The following RBFOX1 variants were observed in gnomAD, a reference collection of about 807,000 sequenced individuals.
RBFOX1 encodes the protein RNA binding protein fox-1 homolog 1.
Under a neutral mutation model 57.7 loss-of-function variants are expected in RBFOX1, and 8 were observed. That is an observed-to-expected ratio of 0.14 (90% CI 0.08 to 0.25). The LOEUF (loss-of-function observed/expected upper bound fraction) is 0.25. Ranked by LOEUF, RBFOX1 falls within the 10% of genes least tolerant of loss-of-function variation. The pLI, the probability that RBFOX1 is intolerant of heterozygous loss-of-function variation, is 1.00. For missense variants in RBFOX1, 611 were observed against 548.5 expected (o/e 1.11, Z -1.14); for synonymous variants, 326 against 222.4 (o/e 1.47, Z -4.15).
intron 2 of RBFOX1, among the ~76,000 whole-genome samples, chr16:6,432,614 G>T (rs552854417): frequency 6.6e-6 from 1 of 151,996 alleles, no homozygotes; most frequent in African/African-American, 2.4e-5. Context: ...CCCAGGAGGC[G>T]GAGGTTGCAG....
At chr16:6,778,151 A>G (rs1000427305) in intron 3 of RBFOX1, among the ~76,000 whole-genome samples, 2 of 152,190 alleles carry the variant, frequency 1.3e-5, no homozygotes, top group African/African-American at 4.8e-5. Flanking sequence ...TGATGGCTTC[A>G]TGAGAATCGA....
At chr16:6,336,703 A>G (rs906520814) in intron 2 of RBFOX1, among the ~76,000 whole-genome samples, 3 of 152,072 alleles carry the variant, frequency 2.0e-5, no homozygotes, top group African/African-American at 4.8e-5. Context: ...TGGGGGGGAA[A>G]TTGGATGAGA....
At chr16:5,748,814 C>G (rs979718299) in intron 3 of RBFOX1, among the ~76,000 whole-genome samples, 34 of 152,280 alleles carry the variant, frequency 2.2e-4, no homozygotes, top group Non-Finnish European at 4.3e-4. Flanking sequence ...TGGGTCTTGA[C>G]TCTTTATCCA....
intron 1 of RBFOX1, among the ~76,000 whole-genome samples, chr16:6,113,559 A>G (rs960697877): frequency 1.3e-5 from 2 of 152,194 alleles, no homozygotes; most frequent in Admixed American, 1.3e-4. Flanking sequence ...ACAGCTCTTG[A>G]AGCAAAGGCA....
intron 2 of RBFOX1, among the ~76,000 whole-genome samples, chr16:6,605,498 G>C (rs906940379): frequency 1.3e-5 from 2 of 152,154 alleles, no homozygotes; most frequent in African/African-American, 2.4e-5. Context: ...CCCAAAGAGA[G>C]AAATCAGAAA....
At chr16:6,505,243 T>A (rs576122211) in intron 2 of RBFOX1, among the ~76,000 whole-genome samples, 7 of 152,330 alleles carry the variant, frequency 4.6e-5, no homozygotes, top group African/African-American at 1.4e-4. Context: ...GTTGTCACTT[T>A]CAGTATGTCA....
At chr16:6,483,898 C>T (rs996019158) in intron 2 of RBFOX1, 1 of 1,134,352 alleles carries the variant, frequency 8.8e-7, no homozygotes, top group South Asian at 2.5e-5. Context: ...GCGTTTGCAG[C>T]GCGTGAATGG....
intron 4 of RBFOX1, chr16:7,332,803 G>A: frequency 1.4e-6 from 2 of 1,403,330 alleles, no homozygotes; most frequent in Non-Finnish European, 1.9e-6. Context: ...TTCGTCGTCT[G>A]GGAAGAAAAC....
intron 3 of RBFOX1, among the ~76,000 whole-genome samples, chr16:7,047,953 A>G (rs1277094030): frequency 6.6e-6 from 1 of 151,336 alleles, no homozygotes; most frequent in East Asian, 1.9e-4. Flanking sequence ...GTCTTTACTC[A>G]CTGCAACCTC....
chr16:7,398,832 C>G (rs1286596140), intron 4 of RBFOX1, among the ~76,000 whole-genome samples: 1 of 152,144 alleles, frequency 6.6e-6, no homozygotes, highest in African/African-American at 2.4e-5. Context: ...CTGAGATGAC[C>G]CTTTTAAAAT....
At chr16:6,867,726 G>C (rs976171091) in intron 3 of RBFOX1, among the ~76,000 whole-genome samples, 4 of 152,080 alleles carry the variant, frequency 2.6e-5, no homozygotes, top group African/African-American at 9.7e-5. Context: ...AAAAGAAAGG[G>C]ATCCAACAGA....
chr16:5,640,541 C>CACAT (rs1192046625), intron 3 of RBFOX1, among the ~76,000 whole-genome samples: 1 of 151,256 alleles, frequency 6.6e-6, no homozygotes, highest in Non-Finnish European at 1.5e-5. Context: ...TACACACATG[C>CACAT]ACATACATGC....
At chr16:5,474,553 C>G (rs887955010) in intron 2 of RBFOX1, among the ~76,000 whole-genome samples, 11 of 151,942 alleles carry the variant, frequency 7.2e-5, no homozygotes, top group Non-Finnish European at 1.3e-4. Flanking sequence ...ATTTGGGAGG[C>G]TGAGGCAGGA....
At chr16:7,383,794 A>G (rs922155068) in intron 4 of RBFOX1, among the ~76,000 whole-genome samples, 1 of 152,160 alleles carries the variant, frequency 6.6e-6, no homozygotes, top group Non-Finnish European at 1.5e-5. Flanking sequence ...AGGTGGCTCA[A>G]GCCTGTAATC....
intron 3 of RBFOX1, chr16:6,874,084 T>G (rs1380819846): frequency 1.3e-5 from 2 of 152,274 alleles, no homozygotes; most frequent in East Asian, 3.9e-4. Context: ...CACTTGCACA[T>G]GCATGTTTAT....
chr16:7,311,552 A>G lies in RBFOX1; in HGVS notation c.28-206595A>G, dbSNP rs570230463. On this transcript the variant is annotated intron_variant, in intron 4 of 15. Coordinates refer to ENST00000550418, the MANE Select transcript of RBFOX1 (RefSeq NM_018723.4). ...AATGACTAGATTCCCCTTATCAAAA[A>G]CAGTAACAAACATCCCCGGTTTTTC... 5.9e-4 allele frequency among the ~76,000 whole-genome samples: 89 copies of G among 151,614 alleles called. No homozygotes were observed. In the South Asian group the frequency reaches 9.2e-3, roughly 16 times the overall value.
intron 2 of RBFOX1, among the ~76,000 whole-genome samples, chr16:6,505,244 C>G (rs543531736): frequency 7.9e-5 from 12 of 152,100 alleles, no homozygotes; most frequent in African/African-American, 2.7e-4. Context: ...TTGTCACTTT[C>G]AGTATGTCAC....
In RBFOX1 at chr16:6,674,704, A is replaced by T. The variant is rs994260821; in HGVS notation, c.-16+20054A>T. On this transcript the variant is annotated intron_variant, in intron 3 of 15. Coordinates refer to ENST00000550418, the MANE Select transcript of RBFOX1 (RefSeq NM_018723.4). ...AGAAACCATGTGTTGATGGAGGCAGAGACTGGAGAGATGCACATACAAGCC... is the reference window on the plus strand; with the variant it reads ...AGAAACCATGTGTTGATGGAGGCAGTGACTGGAGAGATGCACATACAAGCC... 5.5e-4 allele frequency among the ~76,000 whole-genome samples: 84 copies of T among 152,148 alleles called. 1 individual carries two copies. Among genetic ancestry groups the T allele is most frequent in the Admixed American group, 1.8e-3 (27 of 15,284 alleles).
At chr16:7,038,273 C>T (rs1242411130) in intron 3 of RBFOX1, among the ~76,000 whole-genome samples, 1 of 152,108 alleles carries the variant, frequency 6.6e-6, no homozygotes, top group South Asian at 2.1e-4. Context: ...CTTGAATTTT[C>T]TTAGACTGAG....
Sources: gnomAD v4.1 joint callset for allele counts (sites outside exome capture counted in the v4.1 genomes callset) on GRCh38, gnomAD v4.1.1 for gene constraint, MANE v1.5 for transcripts, NCBI Gene and HGNC (gene_info 2026-07-23, HGNC 2026-07-21) for gene names.